PTPN21: variants seen among roughly 807,000 people sequenced by gnomAD.
PTPN21 encodes the protein protein tyrosine phosphatase non-receptor type 21.
A neutral mutation model predicts 131.8 loss-of-function variants in PTPN21; 77 were observed. The ratio of observed to expected loss-of-function variants is 0.58; its 90% CI spans 0.49 to 0.71. PTPN21 has a LOEUF of 0.71. Ranked by LOEUF, PTPN21 falls within the 30% of genes least tolerant of loss-of-function variation. PTPN21 has a pLI of 0.00. For missense variants in PTPN21, 1,552 were observed against 1,527.1 expected (o/e 1.02, Z -0.27); for synonymous variants, 715 against 621.3 (o/e 1.15, Z -2.24).
intron 6 of PTPN21, among the ~76,000 whole-genome samples, chr14:88,503,276 T>C (rs1404831436): frequency 1.3e-5 from 2 of 152,178 alleles, no homozygotes; most frequent in African/African-American, 4.8e-5. Context: ...CCTCGTGATC[T>C]GCCCACCTCA....
Position 88,506,639 on chromosome 14 carries a change from A to C in PTPN21, c.449-1268T>G, listed in dbSNP as rs185092739. ...ATTCAGGACAACCATTTAAGAAACCAAACAAGTGGGAGTGGGGTGAGGGAT... is the reference window on the plus strand; with the variant it reads ...ATTCAGGACAACCATTTAAGAAACCCAACAAGTGGGAGTGGGGTGAGGGAT... On this transcript the variant is annotated intron_variant, in intron 4 of 18. Coordinates refer to ENST00000556564, the MANE Select transcript of PTPN21 (RefSeq NM_007039.4). Among the ~76,000 whole-genome samples the C allele has an allele frequency of 1.2e-3, 176 of 152,216 alleles. 4 individuals are homozygous for C. The highest frequency in any genetic ancestry group is 4.0e-3 in the African/African-American group (166 of 41,546).
In PTPN21 at chr14:88,523,756, C is replaced by T. The variant is rs905518375; in HGVS notation, c.181-6495G>A. Among the ~76,000 whole-genome samples, 5 of 147,522 alleles carry T rather than the reference C, an allele frequency of 3.4e-5. No individual in the cohort carries two copies. In the East Asian group the frequency reaches 7.8e-4, roughly 23 times the overall value. On this transcript the variant is annotated intron_variant, in intron 2 of 18. Coordinates refer to ENST00000556564, the MANE Select transcript of PTPN21 (RefSeq NM_007039.4). ...ACACACACACACACACACACACACA[C>T]CCCTGCCCTACTCGAGGTAATACAT...
chr14:88,499,553 C>G (rs2077977113), intron 8 of PTPN21, among the ~76,000 whole-genome samples: 1 of 152,070 alleles, frequency 6.6e-6, no homozygotes, highest in Admixed American at 6.6e-5. Flanking sequence ...ACTGGGTCAC[C>G]ATGGACAAAT....
At chr14:88,486,098 G>A (rs843817) in intron 10 of PTPN21, among the ~76,000 whole-genome samples, 151,082 of 152,326 alleles carry the variant, frequency 0.99, 74,936 homozygotes, top group Middle Eastern at 1. Context: ...GGACCCACAA[G>A]GGGATCAGAG....
Position 88,493,757 on chromosome 14 carries a change from G to A in PTPN21, c.932+2656C>T, listed in dbSNP as rs181153633. On this transcript the variant is annotated intron_variant, in intron 10 of 18. Transcript: ENST00000556564. ...TTGTGGGAATTGAGTGCAACATTTC[G>A]GGTCTCAGCTTAGATGTCACTTGGC... is the stretch of plus-strand genomic sequence containing the variant. Among the ~76,000 whole-genome samples, 23 of 152,298 alleles carry A rather than the reference G, an allele frequency of 1.5e-4. No homozygotes were observed. The East Asian group carries it at 3.7e-3, about 24-fold the overall frequency.
intron 2 of PTPN21, among the ~76,000 whole-genome samples, chr14:88,542,979 G>A (rs930627008): frequency 6.6e-6 from 1 of 152,154 alleles, no homozygotes; most frequent in Non-Finnish European, 1.5e-5. Flanking sequence ...CTGGGTACTA[G>A]ACTTTTACTT....
chr14:88,467,901 A>G lies in PTPN21; in HGVS notation c.*236T>C, dbSNP rs909815204. ...TACTGCAAACCGGACAGACCGGGGC[A>G]GGGCAAGGCCCTTGAAACCAAGTCC... On this transcript the variant is annotated 3_prime_UTR_variant, in exon 19 of 19. Transcript: ENST00000556564. 5 of 589,448 alleles carry G rather than the reference A, an allele frequency of 8.5e-6. No individual in the cohort carries two copies. Among genetic ancestry groups the G allele is most frequent in the Non-Finnish European group, 1.5e-5 (5 of 334,696 alleles). 36.5% of individuals were successfully genotyped at this position (589,448 alleles called of 1,614,324 possible). A position where few individuals can be genotyped will look rare whatever the true frequency, so the allele number is the denominator to read the frequency against.
intron 13 of PTPN21, among the ~76,000 whole-genome samples, chr14:88,478,532 C>T (rs1197216160): frequency 1.3e-5 from 2 of 152,164 alleles, no homozygotes; most frequent in African/African-American, 4.8e-5. Flanking sequence ...AACAAATGCA[C>T]CCCTGGGGTG....
chr14:88,530,567 A>G (rs2139338508), intron 2 of PTPN21, among the ~76,000 whole-genome samples: 1 of 145,936 alleles, frequency 6.9e-6, no homozygotes, highest in Admixed American at 6.8e-5. Flanking sequence ...GAACTCACAT[A>G]AACTTAAGGT....
chr14:88,502,224 G>A (rs1275228397), intron 6 of PTPN21, among the ~76,000 whole-genome samples: 1 of 152,128 alleles, frequency 6.6e-6, no homozygotes, highest in African/African-American at 2.4e-5. Flanking sequence ...CCACACTGCA[G>A]CCATCCCAAA....
chr14:88,513,578 T>C (rs2078217299), intron 3 of PTPN21: 1 of 152,328 alleles, frequency 6.6e-6, no homozygotes, highest in Admixed American at 6.5e-5. Context: ...AATGTCCTCT[T>C]TTGCAAGTAA....
chr14:88,485,179 G>T lies in PTPN21; in HGVS notation c.994-19C>A. The T allele has an allele frequency of 2.0e-6, 3 of 1,516,608 alleles. No homozygotes were observed. The highest frequency in any genetic ancestry group is 2.7e-6 in the Non-Finnish European group (3 of 1,107,056). 93.9% of individuals were successfully genotyped at this position (1,516,608 alleles called of 1,614,324 possible). A position where few individuals can be genotyped will look rare whatever the true frequency, so the allele number is the denominator to read the frequency against. ...GTTTAGGCTAAGAAATGGAGAGTTT[G>T]ACACAGGGTTGAAACACATTGCTTA... On this transcript the variant is annotated intron_variant, in intron 11 of 18. Transcript: ENST00000556564.
At chr14:88,472,176 ATTC>A in intron 15 of PTPN21, 65 bp downstream of exon 15, 1 of 887,578 alleles carries the variant, frequency 1.1e-6, no homozygotes, top group East Asian at 2.4e-5. Context: ...CATGAATACA[ATTC>A]TTACCATTCT....
In PTPN21 at chr14:88,499,758, C is replaced by T. The variant is rs577104067; in HGVS notation, c.764+1025G>A. Among the ~76,000 whole-genome samples the T allele has an allele frequency of 3.1e-3, 475 of 152,232 alleles. 3 individuals carry two copies. Among genetic ancestry groups the T allele is most frequent in the Non-Finnish European group, 5.4e-3 (368 of 68,014 alleles). ...AGAAGTGATAGAATATGTTTTCCTG[C>T]CTTATAAAAACAATATAAGCTTTTG... On this transcript the variant is annotated intron_variant, in intron 8 of 18. Transcript: ENST00000556564.
rs1158692714 is a variant in PTPN21, at chr14:88,554,918, G to T, written c.-470C>A. Among the ~76,000 whole-genome samples the T allele has an allele frequency of 2.6e-5, 4 of 151,674 alleles. No homozygotes were observed. The highest frequency in any genetic ancestry group is 9.7e-5 in the African/African-American group (4 of 41,400). On this transcript the variant is annotated 5_prime_UTR_variant, in exon 1 of 19. Transcript: ENST00000556564. ...GAGGAGCGCCGCACAAAGAAGCCCC[G>T]TGGGGGCGGGGGGTGGCAGGAGGAC...
At chr14:88,488,928 A>G (rs887524726) in intron 10 of PTPN21, among the ~76,000 whole-genome samples, 5 of 152,228 alleles carry the variant, frequency 3.3e-5, no homozygotes, top group African/African-American at 1.2e-4. Flanking sequence ...GTGGAATGTG[A>G]ACACCAAACC....
At chr14:88,470,319 C>T (rs552885542) in intron 15 of PTPN21, 149 of 436,392 alleles carry the variant, frequency 3.4e-4, no homozygotes, top group African/African-American at 2.9e-3. Context: ...TGTCAGTTCT[C>T]ATTTATACAA....
At position 88,468,137 on chromosome 14, in the gene PTPN21, T is replaced by C. The variant is rs1309847105; in HGVS notation, c.3525A>G (p.Ter1175=). 6.2e-7 allele frequency: 1 copy of C among 1,613,966 alleles called. No individual in the cohort carries two copies. The highest frequency in any genetic ancestry group is 8.5e-7 in the Non-Finnish European group (1 of 1,179,882). ...IQFLKSSRLI[*] The stretch of plus-strand genomic sequence containing the variant: ...TGGCCCCGTAAGAAATTGTGGGAGC[T>C]TAGATGAGCCTGGAGCTTTTCAGGA... Residue 1175 remains the stop codon, a stop_retained_variant, in exon 19 of 19, where the codon TAA becomes TAG. Coordinates refer to ENST00000556564, the MANE Select transcript of PTPN21 (RefSeq NM_007039.4).
chr14:88,467,276 A>T lies in PTPN21; in HGVS notation c.*861T>A, dbSNP rs1431476098. 1 of 152,238 alleles carries T rather than the reference A, an allele frequency of 6.6e-6. No individual in the cohort carries two copies. Among genetic ancestry groups the T allele is most frequent in the African/African-American group, 2.4e-5 (1 of 41,454 alleles). 9.4% of individuals were successfully genotyped at this position (152,238 alleles called of 1,614,324 possible). ...ATATTAAAACTCAGATTTGTTTTTA[A>T]CAAAAAAGTGCTTAAAACCACCCTA... On this transcript the variant is annotated 3_prime_UTR_variant, in exon 19 of 19. Coordinates refer to ENST00000556564, the MANE Select transcript of PTPN21 (RefSeq NM_007039.4).
Sources: gnomAD v4.1 joint callset for allele counts (sites outside exome capture counted in the v4.1 genomes callset) on GRCh38, gnomAD v4.1.1 for gene constraint, MANE v1.5 for transcripts, NCBI Gene and HGNC (gene_info 2026-07-23, HGNC 2026-07-21) for gene names.